Variants in MAML2 observed in about 807,000 individuals in gnomAD.
MAML2 encodes mastermind-like protein 2.
Under a neutral mutation model 96.1 loss-of-function variants are expected in MAML2, and 22 were observed. The observed-to-expected ratio is 0.23, with a 90% CI of 0.16 to 0.33. MAML2 has a LOEUF of 0.33. Among genes scored for constraint, MAML2 ranks in the 10% least tolerant of loss-of-function variants. The pLI, the probability that MAML2 is intolerant of heterozygous loss-of-function variation, is 1.00. For missense variants in MAML2, 1,367 were observed against 1,392.4 expected (o/e 0.98, Z 0.29); for synonymous variants, 561 against 521.3 (o/e 1.08, Z -1.04).
At chr11:95,985,733 A>G (rs2135704280) in intron 3 of MAML2, 91 bp from the exon 4 acceptor site, 1 of 793,940 alleles carries the variant, frequency 1.3e-6, no homozygotes, top group East Asian at 2.7e-5. Context: ...TTCAGAAAAT[A>G]TAAGAACAAT....
chr11:96,180,029 C>A (rs762831420), intron 1 of MAML2, among the ~76,000 whole-genome samples: 2 of 152,156 alleles, frequency 1.3e-5, no homozygotes, highest in Non-Finnish European at 2.9e-5. Context: ...AAGGTCCATT[C>A]GAAACTAAGA....
chr11:96,246,983 G>C (rs1210179399), intron 1 of MAML2, among the ~76,000 whole-genome samples: 1 of 152,044 alleles, frequency 6.6e-6, no homozygotes, highest in African/African-American at 2.4e-5. Flanking sequence ...ATGATCAAAA[G>C]AATAATTATA....
chr11:96,115,767 G>T (rs908141298), intron 1 of MAML2, among the ~76,000 whole-genome samples: 1 of 152,132 alleles, frequency 6.6e-6, no homozygotes, highest in Non-Finnish European at 1.5e-5. Context: ...TGTTTTATAG[G>T]ATGGTCGGTG....
chr11:96,229,626 G>A (rs1297871034), intron 1 of MAML2, among the ~76,000 whole-genome samples: 2 of 150,252 alleles, frequency 1.3e-5, no homozygotes, highest in African/African-American at 4.9e-5. Flanking sequence ...ACTACATATC[G>A]ATTGATTCAT....
intron 1 of MAML2, among the ~76,000 whole-genome samples, chr11:96,125,161 G>A (rs974629160): frequency 4.6e-5 from 7 of 152,232 alleles, no homozygotes; most frequent in African/African-American, 1.7e-4. Flanking sequence ...GACCTGAGAA[G>A]CTCATTATTT....
At chr11:96,305,163 G>A (rs11600582) in intron 1 of MAML2, among the ~76,000 whole-genome samples, 2,131 of 152,154 alleles carry the variant, frequency 0.014, 49 homozygotes, top group African/African-American at 0.049. Context: ...AAATAATATG[G>A]AAACAGTAAA....
At chr11:96,142,839 A>G (rs2135868071) in intron 1 of MAML2, among the ~76,000 whole-genome samples, 1 of 152,336 alleles carries the variant, frequency 6.6e-6, no homozygotes, top group South Asian at 2.1e-4. Flanking sequence ...TAGGTTTCAG[A>G]ATAAGAAAAC....
intron 2 of MAML2, among the ~76,000 whole-genome samples, chr11:96,084,918 G>A (rs545262078): frequency 7.9e-5 from 12 of 152,326 alleles, no homozygotes; most frequent in Admixed American, 3.3e-4. Context: ...GGTTAAGGGT[G>A]GAGAGAACTC....
At chr11:96,282,328 T>G (rs980366562) in intron 1 of MAML2, among the ~76,000 whole-genome samples, 2 of 152,146 alleles carry the variant, frequency 1.3e-5, no homozygotes, top group Non-Finnish European at 2.9e-5. Flanking sequence ...CATTCTTCAC[T>G]GTACAAGAAG....
At chr11:96,327,300 G>A (rs901184076) in intron 1 of MAML2, among the ~76,000 whole-genome samples, 1 of 152,064 alleles carries the variant, frequency 6.6e-6, no homozygotes, top group Non-Finnish European at 1.5e-5. Flanking sequence ...CCCGAATGGG[G>A]GTCTCCTGTC....
intron 1 of MAML2, among the ~76,000 whole-genome samples, chr11:96,151,455 G>A (rs142839205): frequency 3.0e-4 from 45 of 152,218 alleles, no homozygotes; most frequent in African/African-American, 9.2e-4. Context: ...TCATATAACC[G>A]GCCCTTGATA....
intron 2 of MAML2, among the ~76,000 whole-genome samples, chr11:96,003,018 AGAT>A (rs1277850239): frequency 2.5e-5 from 3 of 120,390 alleles, no homozygotes; most frequent in African/African-American, 6.4e-5. Context: ...GGGATGATGA[AGAT>A]GATGATGGGG....
intron 1 of MAML2, among the ~76,000 whole-genome samples, chr11:96,279,245 G>C (rs1863030986): frequency 6.6e-6 from 1 of 152,184 alleles, no homozygotes; most frequent in Non-Finnish European, 1.5e-5. Flanking sequence ...TTAAAACCCT[G>C]GGCTTATGGG....
At chr11:95,984,582 C>A (rs1425949438) in intron 4 of MAML2, among the ~76,000 whole-genome samples, 1 of 152,138 alleles carries the variant, frequency 6.6e-6, no homozygotes, top group Non-Finnish European at 1.5e-5. Flanking sequence ...GCGACTGAGC[C>A]CAGCTCCATT....
intron 1 of MAML2, among the ~76,000 whole-genome samples, chr11:96,290,738 C>T (rs1325823361): frequency 1.3e-5 from 2 of 152,200 alleles, no homozygotes; most frequent in East Asian, 3.8e-4. Flanking sequence ...TCACTGCCTA[C>T]TTTCTTAAAG....
At chr11:96,255,865 C>CT (rs141609329) in intron 1 of MAML2, among the ~76,000 whole-genome samples, 4,909 of 77,884 alleles carry the variant, frequency 0.063, 186 homozygotes, top group East Asian at 0.16. Flanking sequence ...CCCCCACCGC[C>CT]TTTTTTTTTT....
Position 96,159,948 on chromosome 11 carries a change from T to C in MAML2, c.514-66431A>G, listed in dbSNP as rs117468812. Reference sequence around the variant, plus strand: ...TATACTAGTTCTACTTTATTTAGAGTAATATCATATTCCGAATTTATTATA... The same window carrying C: ...TATACTAGTTCTACTTTATTTAGAGCAATATCATATTCCGAATTTATTATA... On this transcript the variant is annotated intron_variant, in intron 1 of 4. Transcript: ENST00000524717. 8.4e-4 allele frequency among the ~76,000 whole-genome samples: 128 copies of C among 152,352 alleles called. 4 individuals are homozygous for C. In the East Asian group the frequency reaches 0.023, roughly 28 times the overall value.
At chr11:96,219,801 T>A (rs538540069) in intron 1 of MAML2, among the ~76,000 whole-genome samples, 1 of 152,252 alleles carries the variant, frequency 6.6e-6, no homozygotes, top group South Asian at 2.1e-4. Flanking sequence ...AATTTTTGTA[T>A]GTTTAGTAGA....
At chr11:96,044,176 T>C (rs888704851) in intron 2 of MAML2, among the ~76,000 whole-genome samples, 9 of 152,114 alleles carry the variant, frequency 5.9e-5, no homozygotes, top group Admixed American at 6.5e-5. Context: ...CCGAAAATTC[T>C]TGGGTCTCAG....
Sources: gnomAD v4.1 joint callset for allele counts (sites outside exome capture counted in the v4.1 genomes callset) on GRCh38, gnomAD v4.1.1 for gene constraint, MANE v1.5 for transcripts, NCBI Gene and HGNC (gene_info 2026-07-23, HGNC 2026-07-21) for gene names.